SMAD4: variants seen among roughly 807,000 people sequenced by gnomAD.
SMAD4 encodes the protein MAD homolog 4.
Under a neutral mutation model 63.2 loss-of-function variants are expected in SMAD4, and 7 were observed. The observed-to-expected ratio is 0.11, with a 90% CI of 0.06 to 0.21. The LOEUF (loss-of-function observed/expected upper bound fraction) is 0.21. Ranked by LOEUF, SMAD4 falls within the 10% of genes least tolerant of loss-of-function variation. The probability of loss-of-function intolerance (pLI) is 1.00; values close to 1 mark genes in which losing one functional copy is unlikely to be tolerated. For synonymous variants in SMAD4, 215 were observed against 235.4 expected (o/e 0.91, Z 0.79); for missense variants, 312 against 693.8 (o/e 0.45, Z 6.18).
chr18:51,074,347 T>G (rs1910415746), intron 10 of SMAD4, among the ~76,000 whole-genome samples: 2 of 152,052 alleles, frequency 1.3e-5, no homozygotes, highest in African/African-American at 4.8e-5. Context: ...AGACCCCATC[T>G]TAACAACAAC....
At position 51,060,917 on chromosome 18, in the gene SMAD4, T is replaced by A. The variant is rs4588076; in HGVS notation, c.955+1001T>A. ...TATTTATTTATTTATTTATTTATTT[T>A]TTTCCGAGATGGGATCTCGCTATGT... On this transcript the variant is annotated intron_variant, in intron 8 of 11. Coordinates refer to ENST00000342988, the MANE Select transcript of SMAD4 (RefSeq NM_005359.6). Among the ~76,000 whole-genome samples the A allele has an allele frequency of 6.8e-3, 1,031 of 151,696 alleles. 14 individuals carry two copies. The highest frequency in any genetic ancestry group is 0.022 in the African/African-American group (913 of 41,452).
rs1910602039 is a variant in SMAD4, at chr18:51,081,085, GGTT to G, written c.*2622_*2624del. On this transcript the variant is annotated 3_prime_UTR_variant, in exon 12 of 12. Transcript: ENST00000342988. ...TATGATCAGCTATTCCTGAGAGCTT[GGTT>G]GTTAATCTATATTTCTATTTCTTAG... 1 of 214,356 alleles carries G rather than the reference GGTT, an allele frequency of 4.7e-6. No individual in the cohort carries two copies. The highest frequency in any genetic ancestry group is 9.4e-6 in the Non-Finnish European group (1 of 106,318). The allele number at this position is 214,356 out of a possible 1,614,324, so 13.3% of individuals were successfully genotyped here.
intron 1 of SMAD4, among the ~76,000 whole-genome samples, chr18:51,032,015 C>T (rs1393693946): frequency 4.6e-5 from 7 of 152,066 alleles, no homozygotes; most frequent in Non-Finnish European, 1.0e-4. Flanking sequence ...GTGTTTCTTC[C>T]ATAATGCTGT....
intron 1 of SMAD4, among the ~76,000 whole-genome samples, chr18:51,039,158 C>T (rs1909298071): frequency 1.3e-5 from 2 of 152,176 alleles, no homozygotes; most frequent in Admixed American, 6.5e-5. Context: ...TTGACAGCTG[C>T]TGTTTTAAAG....
rs777019571 is a variant in SMAD4 at position 51,048,870 on chromosome 18, C to G, written c.424+10C>G. The stretch of plus-strand genomic sequence containing the variant: ...GTATCACCTGGAATTGGTAAGTAGA[C>G]TTTGCTTTCATCCTAAGAAACATAA... On this transcript the variant is annotated intron_variant, in intron 3 of 11. Transcript: ENST00000342988. 6.2e-7 allele frequency: 1 copy of G among 1,606,428 alleles called. No homozygotes were observed. Among genetic ancestry groups the G allele is most frequent in the Non-Finnish European group, 8.5e-7 (1 of 1,174,460 alleles).
intron 1 of SMAD4, among the ~76,000 whole-genome samples, chr18:51,040,173 AT>A (rs1467778148): frequency 6.6e-6 from 1 of 152,104 alleles, no homozygotes; most frequent in African/African-American, 2.4e-5. Flanking sequence ...CATACCTGTA[AT>A]CCAGCACTTT....
Position 51,047,027 on chromosome 18 carries a change from A to G in SMAD4, c.-20A>G. ...CAGAAATTGGAGACATATTTGATTT[A>G]AAAGGAAAAACTTGAACAAATGGAC... On this transcript the variant is annotated 5_prime_UTR_variant, in exon 2 of 12. Coordinates refer to ENST00000342988, the MANE Select transcript of SMAD4 (RefSeq NM_005359.6). The G allele has an allele frequency of 6.2e-7, 1 of 1,611,138 alleles. No homozygotes were observed. The highest frequency in any genetic ancestry group is 8.5e-7 in the Non-Finnish European group (1 of 1,177,524).
At chr18:51,075,409 A>G (rs1055310891) in intron 10 of SMAD4, among the ~76,000 whole-genome samples, 1 of 152,172 alleles carries the variant, frequency 6.6e-6, no homozygotes, top group African/African-American at 2.4e-5. Flanking sequence ...TTATGTACGT[A>G]ATGGGACTTT....
intron 1 of SMAD4, among the ~76,000 whole-genome samples, chr18:51,046,178 T>C (rs1365620277): frequency 2.0e-5 from 3 of 152,202 alleles, no homozygotes; most frequent in Non-Finnish European, 4.4e-5. Context: ...CATTTTGTAT[T>C]AATACCAGAC....
intron 10 of SMAD4, among the ~76,000 whole-genome samples, chr18:51,070,447 A>T (rs1481797112): frequency 1.3e-5 from 2 of 152,286 alleles, no homozygotes; most frequent in Middle Eastern, 3.4e-3. Context: ...TTTGGAATTT[A>T]AAAAAATCTC....
intron 1 of SMAD4, among the ~76,000 whole-genome samples, chr18:51,041,254 G>A (rs765004812): frequency 2.0e-5 from 3 of 151,986 alleles, no homozygotes; most frequent in African/African-American, 4.8e-5. Flanking sequence ...GCTCTTATCC[G>A]TCTCTGCTTT....
rs547484297 is a variant in SMAD4 at position 51,048,254 on chromosome 18, C to T, written c.250-432C>T. Among the ~76,000 whole-genome samples, 3 of 152,226 alleles carry T rather than the reference C, an allele frequency of 2.0e-5. No homozygotes were observed. In the South Asian group the frequency reaches 6.2e-4, roughly 32 times the overall value. On this transcript the variant is annotated intron_variant, in intron 2 of 11. Coordinates refer to ENST00000342988, the MANE Select transcript of SMAD4 (RefSeq NM_005359.6). ...CTCACTGCAGCCTTGACCTACTGGG[C>T]TTATGCAGTTCTCCTGCCTTAGCCT...
chr18:51,041,682 A>T (rs1219327686), intron 1 of SMAD4, among the ~76,000 whole-genome samples: 2 of 152,316 alleles, frequency 1.3e-5, no homozygotes, highest in Admixed American at 1.3e-4. Flanking sequence ...TTAAAAGAAG[A>T]TATATGAGCT....
rs995505795 is a variant in SMAD4, at chr18:51,066,914, T to C, written c.1140-105T>C. ...ATAGCTATCTTTTGGTTTTATGTGA[T>C]CTTTATTTTTAATTTTTCAATATTA... On this transcript the variant is annotated intron_variant, in intron 9 of 11. Coordinates refer to ENST00000342988, the MANE Select transcript of SMAD4 (RefSeq NM_005359.6). 3.4e-5 allele frequency: 30 copies of C among 888,770 alleles called. No individual in the cohort carries two copies. The African/African-American group carries it at 4.4e-4, about 13-fold the overall frequency. 55.1% of individuals were successfully genotyped at this position (888,770 alleles called of 1,614,324 possible).
Position 51,058,356 on chromosome 18 carries a change from G to C in SMAD4, c.804G>C (p.Trp268Cys), listed in dbSNP as rs1909899600. 6.2e-7 allele frequency: 1 copy of C among 1,614,036 alleles called. No individual in the cohort carries two copies. The highest frequency in any genetic ancestry group is 8.5e-7 in the Non-Finnish European group (1 of 1,179,950). Residue 268 changes from tryptophan (W) to cysteine (C), a missense_variant, in exon 7 of 12, where the codon TGG becomes TGC. Transcript: ENST00000342988. Reference sequence around the variant, plus strand: ...AATTTTTAGACAGCACTACCACCTGGACTGGAAGTAGGACTGCACCATACA... The same window carrying C: ...AATTTTTAGACAGCACTACCACCTGCACTGGAAGTAGGACTGCACCATACA... ...ATYHHNSTTT[W>C]TGSRTAPYTP...
chr18:51,060,375 C>A (rs1328400646), intron 8 of SMAD4, among the ~76,000 whole-genome samples: 5 of 152,162 alleles, frequency 3.3e-5, no homozygotes, highest in Non-Finnish European at 7.4e-5. Flanking sequence ...CGCTAAGTAG[C>A]TTTCTTCAGT....
At chr18:51,053,928 A>G (rs1309026080) in intron 4 of SMAD4, 3 of 152,230 alleles carry the variant, frequency 2.0e-5, no homozygotes, top group African/African-American at 7.2e-5. Flanking sequence ...CCTTAAAACA[A>G]TAACCTAAAA....
chr18:51,055,797 C>T (rs1009764948), intron 5 of SMAD4, among the ~76,000 whole-genome samples: 7 of 151,818 alleles, frequency 4.6e-5, no homozygotes, highest in African/African-American at 1.7e-4. Flanking sequence ...TATGTAAACC[C>T]ACATCAGAAT....
chr18:51,076,163 T>C (rs1012779187), intron 10 of SMAD4, among the ~76,000 whole-genome samples: 1 of 152,236 alleles, frequency 6.6e-6, no homozygotes, highest in Non-Finnish European at 1.5e-5. Context: ...TACGCATCTC[T>C]GAAAAATGTT....
Sources: gnomAD v4.1 joint callset for allele counts (sites outside exome capture counted in the v4.1 genomes callset) on GRCh38, gnomAD v4.1.1 for gene constraint, MANE v1.5 for transcripts, NCBI Gene and HGNC (gene_info 2026-07-23, HGNC 2026-07-21) for gene names.